RMND5B: variants seen among roughly 807,000 people sequenced by gnomAD.
RMND5B encodes required for meiotic nuclear division 5 homolog B, also known as E3 ubiquitin-protein transferase RMND5B.
A neutral mutation model predicts 50.4 loss-of-function variants in RMND5B; 42 were observed. The observed-to-expected ratio is 0.83, with a 90% CI of 0.65 to 1.08. The LOEUF (loss-of-function observed/expected upper bound fraction) is 1.08, where lower values mean the gene tolerates loss of function less well. Among genes scored for constraint, RMND5B ranks in the 50% least tolerant of loss-of-function variants. The probability of loss-of-function intolerance (pLI) is 0.00; values close to 1 mark genes in which losing one functional copy is unlikely to be tolerated. For synonymous variants in RMND5B, 220 were observed against 210.0 expected, an observed-to-expected ratio of 1.05 and a Z score of -0.41; for missense variants, 463 against 508.5, an observed-to-expected ratio of 0.91 and a Z score of 0.86.
intron 8 of RMND5B, chr5:178,147,276 T>C: frequency 1.9e-6 from 1 of 531,096 alleles, no homozygotes; most frequent in Non-Finnish European, 3.4e-6. Flanking sequence ...TGAGCAGATA[T>C]CTGCCCCTAG....
Position 178,149,471 on chromosome 5 carries a change from T to C in RMND5B, c.*1439T>C. 2.0e-6 allele frequency: 1 copy of C among 494,724 alleles called. No homozygotes were observed. Among genetic ancestry groups the C allele is most frequent in the Non-Finnish European group, 3.7e-6 (1 of 268,080 alleles). 30.6% of individuals were successfully genotyped at this position (494,724 alleles called of 1,614,324 possible). A position where few individuals can be genotyped will look rare whatever the true frequency, so the allele number is the denominator to read the frequency against. ...CCCACAGACTCACCACATTTTAGTC[T>C]TAGCATTTACTTTCCCCACCCCACA... On this transcript the variant is annotated 3_prime_UTR_variant, in exon 11 of 11. Transcript: ENST00000313386.
At position 178,146,139 on chromosome 5, in the gene RMND5B, G is replaced by C. The variant is rs146514336; in HGVS notation, c.720G>C (p.Leu240=). The stretch of plus-strand genomic sequence containing the variant: ...AGATCCAGGTGATGATGGGCAGCCT[G>C]GTGTACCTGCGGCTGGGCTTGGAGA... ...QREIQVMMGS[L]VYLRLGLEKS... is the part of the protein sequence containing the mutation. Residue 240 remains leucine (L), a synonymous_variant, in exon 8 of 11, where the codon CTG becomes CTC. Coordinates refer to ENST00000313386, the MANE Select transcript of RMND5B (RefSeq NM_022762.5). The C allele has an allele frequency of 5.6e-6, 9 of 1,614,006 alleles. No individual in the cohort carries two copies. The highest frequency in any genetic ancestry group is 5.0e-5 in the Admixed American group (3 of 60,000).
Position 178,149,636 on chromosome 5 carries a change from G to A in RMND5B, c.*1604G>A. 6.3e-7 allele frequency: 1 copy of A among 1,594,844 alleles called. No individual in the cohort carries two copies. On this transcript the variant is annotated 3_prime_UTR_variant, in exon 11 of 11. Coordinates refer to ENST00000313386, the MANE Select transcript of RMND5B (RefSeq NM_022762.5). ...TGGGAAGATGCCGTCAGTGTGGGTG[G>A]GCAGGAGGACAGCCAGTCGTCCTGC...
Position 178,149,764 on chromosome 5 carries a change from C to G in RMND5B, c.*1732C>G. ...CCTCCTCCAGGCACTCATCGTAAGCCTCCTGGTACTCCTCATGGGGCTTGA... is the reference window on the plus strand; with the variant it reads ...CCTCCTCCAGGCACTCATCGTAAGCGTCCTGGTACTCCTCATGGGGCTTGA... On this transcript the variant is annotated 3_prime_UTR_variant, in exon 11 of 11. Transcript: ENST00000313386. 1 of 1,614,114 alleles carries G rather than the reference C, an allele frequency of 6.2e-7. No individual in the cohort carries two copies. Among genetic ancestry groups the G allele is most frequent in the Non-Finnish European group, 8.5e-7 (1 of 1,179,992 alleles).
intron 7 of RMND5B, 108 bp downstream of exon 7, chr5:178,144,216 C>G: frequency 8.2e-7 from 1 of 1,216,422 alleles, no homozygotes; most frequent in Non-Finnish European, 1.1e-6. Flanking sequence ...CTGTCTGTTA[C>G]ACAGATGCCT....
intron 2 of RMND5B, 115 bp downstream of exon 2, chr5:178,131,491 G>A (rs953592531): frequency 2.0e-5 from 3 of 151,958 alleles, no homozygotes; most frequent in Non-Finnish European, 2.9e-5. Flanking sequence ...CTGCTGTCCA[G>A]GGAAAATGAT....
intron 7 of RMND5B, among the ~76,000 whole-genome samples, chr5:178,144,743 G>A (rs1170198684): frequency 8.4e-6 from 1 of 118,898 alleles, no homozygotes; most frequent in African/African-American, 3.4e-5. Context: ...AGACTTGTCT[G>A]GGTGCGATGG....
At chr5:178,132,744 T>A (rs6878658) in intron 2 of RMND5B, among the ~76,000 whole-genome samples, 1 of 14,828 alleles carries the variant, frequency 6.7e-5, no homozygotes, top group Non-Finnish European at 1.7e-4. Context: ...TCTCTTTTTT[T>A]TTTTTTTTTT....
At position 178,148,538 on chromosome 5, in the gene RMND5B, T is replaced by C. The variant is rs2113457808; in HGVS notation, c.*506T>C. Reference sequence around the variant, plus strand: ...AACGGAATGCCGTTGTTTTATAACTTTGAACAAATGTATTTACTGCCCTTC... The same window carrying C: ...AACGGAATGCCGTTGTTTTATAACTCTGAACAAATGTATTTACTGCCCTTC... On this transcript the variant is annotated 3_prime_UTR_variant, in exon 11 of 11. Transcript: ENST00000313386. 6.0e-6 allele frequency: 1 copy of C among 167,772 alleles called. No homozygotes were observed. The highest frequency in any genetic ancestry group is 2.4e-5 in the African/African-American group (1 of 41,868). The allele number at this position is 167,772 out of a possible 1,614,324, so 10.4% of individuals were successfully genotyped here.
chr5:178,138,456 G>T lies in RMND5B; in HGVS notation c.139+198G>T. 1 of 1,330,938 alleles carries T rather than the reference G, an allele frequency of 7.5e-7. No individual in the cohort carries two copies. Among genetic ancestry groups the T allele is most frequent in the Non-Finnish European group, 9.7e-7 (1 of 1,028,998 alleles). The allele number at this position is 1,330,938 out of a possible 1,614,324, so 82.4% of individuals were successfully genotyped here. A position where few individuals can be genotyped will look rare whatever the true frequency, so the allele number is the denominator to read the frequency against. ...AACAAATTATTAATTTACCTGAGAT[G>T]ATTCCCATTTACATTTTGTTTTCAA... is the stretch of plus-strand genomic sequence containing the variant. On this transcript the variant is annotated intron_variant, in intron 3 of 10. Coordinates refer to ENST00000313386, the MANE Select transcript of RMND5B (RefSeq NM_022762.5). This position sits in a 1 kb window ranked among gnomAD's most constrained non-coding sequence, Gnocchi z 5.1.
At chr5:178,131,604 A>G (rs1758310653) in intron 2 of RMND5B, among the ~76,000 whole-genome samples, 1 of 149,712 alleles carries the variant, frequency 6.7e-6, no homozygotes. Context: ...GGAGGGCGAT[A>G]TGACACGGTA....
chr5:178,143,789 G>T lies in RMND5B; in HGVS notation c.527+62G>T. Reference sequence around the variant, plus strand: ...TTCGACCTCTCAGGGCACAGGGCTTGACTGTGGTCTTCATTTCACCCAGAT... The same window carrying T: ...TTCGACCTCTCAGGGCACAGGGCTTTACTGTGGTCTTCATTTCACCCAGAT... On this transcript the variant is annotated intron_variant, in intron 6 of 10. Coordinates refer to ENST00000313386, the MANE Select transcript of RMND5B (RefSeq NM_022762.5). The T allele has an allele frequency of 2.0e-6, 3 of 1,466,722 alleles. No individual in the cohort carries two copies. The South Asian group carries it at 3.4e-5, about 17-fold the overall frequency. The allele number at this position is 1,466,722 out of a possible 1,614,324, so 90.9% of individuals were successfully genotyped here.
At chr5:178,139,565 T>C (rs373597923) in intron 3 of RMND5B, among the ~76,000 whole-genome samples, 18 of 142,830 alleles carry the variant, frequency 1.3e-4, no homozygotes, top group African/African-American at 7.7e-5. Flanking sequence ...TTTTTTGATA[T>C]AGAGTTTTGC....
At chr5:178,142,495 G>A in intron 3 of RMND5B, 88 bp from the exon 4 acceptor site, 1 of 1,450,712 alleles carries the variant, frequency 6.9e-7, no homozygotes, top group Non-Finnish European at 9.3e-7. Context: ...GGGCTACGGG[G>A]CTGGCATTTA....
Position 178,149,998 on chromosome 5 carries a change from A to C in RMND5B, c.*1966A>C. 4.2e-6 allele frequency: 3 copies of C among 713,868 alleles called. No homozygotes were observed. The highest frequency in any genetic ancestry group is 1.8e-5 in the African/African-American group (1 of 56,042). The allele number at this position is 713,868 out of a possible 1,614,324, so 44.2% of individuals were successfully genotyped here. A position where few individuals can be genotyped will look rare whatever the true frequency, so the allele number is the denominator to read the frequency against. ...TCTTGAATTGGTTGCCATCATTTAA[A>C]CTCAATCAGACTTTGAAGGCATGGT... On this transcript the variant is annotated 3_prime_UTR_variant, in exon 11 of 11. Coordinates refer to ENST00000313386, the MANE Select transcript of RMND5B (RefSeq NM_022762.5).
intron 2 of RMND5B, among the ~76,000 whole-genome samples, chr5:178,132,409 C>T (rs1040314862): frequency 2.0e-5 from 3 of 151,974 alleles, no homozygotes; most frequent in African/African-American, 7.3e-5. Context: ...CCACTGTACT[C>T]CAGCCTGGGC....
chr5:178,145,743 T>C (rs1755968273), intron 7 of RMND5B, among the ~76,000 whole-genome samples: 1 of 152,200 alleles, frequency 6.6e-6, no homozygotes, highest in Non-Finnish European at 1.5e-5. Context: ...TACTGCTGCC[T>C]GTTGAAAGCT....
chr5:178,147,435 A>G (rs1375684109), intron 8 of RMND5B, 98 bp from the exon 9 acceptor site: 1 of 846,344 alleles, frequency 1.2e-6, no homozygotes, highest in African/African-American at 1.7e-5. Flanking sequence ...ACCATTTTAG[A>G]GCCCTGTCTC....
At chr5:178,143,033 G>T in intron 5 of RMND5B, 41 bp downstream of exon 5, 1 of 1,579,936 alleles carries the variant, frequency 6.3e-7, no homozygotes. Context: ...TGCCTGCTCT[G>T]CCTTTCACCT....
Sources: gnomAD v4.1 joint callset for allele counts (sites outside exome capture counted in the v4.1 genomes callset) on GRCh38, gnomAD v4.1.1 for gene constraint, Gnocchi (gnomAD v3.1) non-coding constraint, MANE v1.5 for transcripts, NCBI Gene and HGNC (gene_info 2026-07-23, HGNC 2026-07-21) for gene names.